BDP1: variants seen among roughly 807,000 people sequenced by gnomAD.
The protein encoded by BDP1 is transcription factor TFIIIB component B'' homolog.
A neutral mutation model predicts 266.6 loss-of-function variants in BDP1; 169 were observed. The ratio of observed to expected loss-of-function variants is 0.63; its 90% CI spans 0.56 to 0.72. BDP1 has a LOEUF of 0.72. Among genes scored for constraint, BDP1 ranks in the 30% least tolerant of loss-of-function variants. BDP1 has a pLI of 0.00. For missense variants in BDP1, 3,015 were observed against 3,053.8 expected, an observed-to-expected ratio of 0.99 and a Z score of 0.30; for synonymous variants, 1,090 against 1,022.4, an observed-to-expected ratio of 1.07 and a Z score of -1.26.
intron 26 of BDP1, among the ~76,000 whole-genome samples, chr5:71,538,654 CGTA>C (rs1462520554): frequency 6.6e-6 from 1 of 152,058 alleles, no homozygotes; most frequent in African/African-American, 2.4e-5. Flanking sequence ...TTTTAAGCTA[CGTA>C]GTAGTATAAA....
chr5:71,517,707 C>T (rs1196826639), intron 22 of BDP1, among the ~76,000 whole-genome samples: 2 of 152,166 alleles, frequency 1.3e-5, no homozygotes, highest in Non-Finnish European at 2.9e-5. Context: ...AAGCATCCTA[C>T]TTTTTGGTAC....
At chr5:71,464,359 G>A (rs1030237172) in intron 4 of BDP1, among the ~76,000 whole-genome samples, 5 of 152,072 alleles carry the variant, frequency 3.3e-5, no homozygotes, top group South Asian at 4.2e-4. Context: ...GCTGTGCATG[G>A]TGGTGTGTAC....
rs1480988917 is a variant in BDP1 at position 71,502,676 on chromosome 5, A to AAAAGCC, written c.2136_2141dup (p.Lys712_Pro713dup). On this transcript the variant is annotated inframe_insertion, in exon 15 of 39. Transcript: ENST00000358731. ...CCTGTACAAGTGAGGGGCCGATTGC[A>AAAAGCC]AAAGCCAAAGCCAAATGCAGGTAAA... 1.9e-6 allele frequency: 3 copies of AAAAGCC among 1,614,104 alleles called. No homozygotes were observed. Among genetic ancestry groups the AAAAGCC allele is most frequent in the South Asian group, 1.1e-5 (1 of 91,076 alleles).
intron 7 of BDP1, among the ~76,000 whole-genome samples, chr5:71,471,800 T>G (rs979111039): frequency 2.6e-5 from 4 of 152,230 alleles, no homozygotes; most frequent in Non-Finnish European, 4.4e-5. Context: ...CCCTATCATG[T>G]TCATTACATT....
Position 71,515,058 on chromosome 5 carries a change from T to G in BDP1, c.4585T>G (p.Cys1529Gly). The G allele has an allele frequency of 6.2e-7, 1 of 1,613,280 alleles. No homozygotes were observed. The highest frequency in any genetic ancestry group is 1.1e-5 in the South Asian group (1 of 90,920). ...TERNLSPSNSCEPKEESQSAP... is the reference protein window; with the variant it reads ...TERNLSPSNSGEPKEESQSAP... ...AAGGAACCTTTCACCTTCAAATTCT[T>G]GTGAACCTAAAGAGGAGTCTCAGTC... is the stretch of plus-strand genomic sequence containing the variant. The change falls in exon 20 of 39, where the codon TGT (cysteine) becomes GGT (glycine). Residue 1529 changes from cysteine to glycine, a missense_variant. Cys to Gly is a radical substitution (Grantham distance 159, BLOSUM62 -3). Coordinates refer to ENST00000358731, the MANE Select transcript of BDP1 (RefSeq NM_018429.3).
At chr5:71,528,307 G>A (rs1224790355) in intron 25 of BDP1, among the ~76,000 whole-genome samples, 1 of 152,316 alleles carries the variant, frequency 6.6e-6, no homozygotes, top group East Asian at 1.9e-4. Context: ...CTAGAGAAAC[G>A]TGTTGAACAT....
intron 34 of BDP1, among the ~76,000 whole-genome samples, chr5:71,549,892 G>A (rs945078865): frequency 5.3e-5 from 8 of 152,226 alleles, no homozygotes; most frequent in African/African-American, 1.9e-4. Context: ...CCTGTTAAAA[G>A]TGTGGTTACT....
intron 7 of BDP1, among the ~76,000 whole-genome samples, chr5:71,473,408 G>T (rs1236273913): frequency 6.0e-5 from 9 of 150,994 alleles, no homozygotes; most frequent in Non-Finnish European, 1.2e-4. Context: ...CCGAGTAGCT[G>T]GGACTACAGG....
chr5:71,573,761 T>G, the BDP1 span, among the ~76,000 whole-genome samples: 1 of 152,186 alleles, frequency 6.6e-6, no homozygotes, highest in Admixed American at 6.5e-5. Flanking sequence ...AGACCTGGAA[T>G]GTCAAATGGC....
chr5:71,474,837 ACT>A (rs932020458), intron 7 of BDP1, among the ~76,000 whole-genome samples: 2 of 127,268 alleles, frequency 1.6e-5, no homozygotes, highest in African/African-American at 5.8e-5. Flanking sequence ...ACAGAGCAAG[ACT>A]CTGTCTGAAA....
chr5:71,473,394 C>T (rs1218667036), intron 7 of BDP1, among the ~76,000 whole-genome samples: 2 of 150,662 alleles, frequency 1.3e-5, no homozygotes, highest in African/African-American at 4.9e-5. Context: ...CCTGCCTCAG[C>T]CTCCCGAGTA....
At position 71,506,823 on chromosome 5, in the gene BDP1, A is replaced by ACACACACACC. The variant is rs377599570; in HGVS notation, c.2372+2073_2372+2074insACACACACCC. 6.4e-3 allele frequency among the ~76,000 whole-genome samples: 911 copies of ACACACACACC among 141,790 alleles called. 9 individuals carry two copies. The highest frequency in any genetic ancestry group is 0.011 in the Middle Eastern group (3 of 274). 93.0% of individuals were successfully genotyped at this position (141,790 alleles called of 152,430 possible). A position where few individuals can be genotyped will look rare whatever the true frequency, so the allele number is the denominator to read the frequency against. ...CACACACACACACACACACACACAC[A>ACACACACACC]CCCATATTTTTTTAAAGACAAGGGT... On this transcript the variant is annotated intron_variant, in intron 16 of 38. Transcript: ENST00000358731.
chr5:71,526,976 A>G (rs1170273456), intron 25 of BDP1, among the ~76,000 whole-genome samples: 1 of 148,982 alleles, frequency 6.7e-6, no homozygotes, highest in Non-Finnish European at 1.5e-5. Flanking sequence ...GTGAGCCACC[A>G]TGCCCAGCCA....
chr5:71,486,741 C>A, intron 9 of BDP1, 114 bp downstream of exon 9: 1 of 813,622 alleles, frequency 1.2e-6, no homozygotes, highest in Non-Finnish European at 1.8e-6. Context: ...ATCATCAAAG[C>A]ATCCAGTTGG....
Position 71,456,073 on chromosome 5 carries a change from A to G in BDP1, c.196A>G (p.Lys66Glu), listed in dbSNP as rs754013688. The change falls in exon 1 of 39, where the codon AAG becomes GAG. Residue 66 changes from lysine to glutamate, a missense_variant. Lys to Glu is a moderately conservative substitution (Grantham distance 56). Around this residue, in one of 3 missense-constraint regions of BDP1, gnomAD observed 2,383 missense variants for 2,404.9 expected, o/e 0.99. Coordinates refer to ENST00000358731, the MANE Select transcript of BDP1 (RefSeq NM_018429.3). ...VDFGGAEPQE[K>E]APRSSTEKTG... ...TTTCGGTGGAGCGGAGCCCCAAGAA[A>G]AGGCTCCTAGGAGCAGGTAAGAGGT... 3.1e-6 allele frequency: 5 copies of G among 1,613,080 alleles called. No individual in the cohort carries two copies. In the Admixed American group the frequency reaches 8.3e-5, roughly 27 times the overall value.
chr5:71,575,241 T>G, the BDP1 span, among the ~76,000 whole-genome samples: 15 of 152,332 alleles, frequency 9.8e-5, 1 homozygote, highest in African/African-American at 3.6e-4. Flanking sequence ...AATGAAACCC[T>G]AATCCAATAT....
intron 2 of BDP1, among the ~76,000 whole-genome samples, chr5:71,461,283 T>G (rs931536685): frequency 6.6e-6 from 1 of 152,020 alleles, no homozygotes; most frequent in African/African-American, 2.4e-5. Context: ...CCTGGCCACA[T>G]TGAGCTTTTA....
intron 21 of BDP1, 141 bp downstream of exon 21, chr5:71,516,412 G>C: frequency 1.7e-6 from 1 of 597,132 alleles, no homozygotes; most frequent in Non-Finnish European, 2.8e-6. Flanking sequence ...TTTCAGATTT[G>C]CTCTTCTGGA....
rs137972286 is a variant in BDP1 at position 71,553,766 on chromosome 5, C to A, written c.7200+446C>A. On this transcript the variant is annotated intron_variant, in intron 35 of 38. Transcript: ENST00000358731. ...GGAGTAAAACCACAGCCTTTAGTGCCCCACATTGTCTTGCTGATTTTTGTC... is the reference window on the plus strand; with the variant it reads ...GGAGTAAAACCACAGCCTTTAGTGCACCACATTGTCTTGCTGATTTTTGTC... 5.7e-3 allele frequency among the ~76,000 whole-genome samples: 867 copies of A among 152,238 alleles called. 5 individuals carry two copies. The highest frequency in any genetic ancestry group is 9.6e-3 in the Non-Finnish European group (651 of 68,022).
Sources: allele counts gnomAD v4.1 joint callset (sites outside exome capture counted in the v4.1 genomes callset), GRCh38; gene constraint gnomAD v4.1.1; regional missense constraint gnomAD v4.1.1; transcripts MANE v1.5; gene names NCBI Gene and HGNC (gene_info 2026-07-23, HGNC 2026-07-21).